The following ZNF711 variants were observed in gnomAD, a reference collection of about 807,000 sequenced individuals.
ZNF711 encodes ZFX family zinc finger ZNF711, also known as zinc finger protein 711.
A neutral mutation model predicts 43.5 loss-of-function variants in ZNF711; 3 were observed. The ratio of observed to expected loss-of-function variants is 0.07; its 90% CI spans 0.03 to 0.18. ZNF711 has a LOEUF of 0.18. Among genes scored for constraint, ZNF711 ranks in the 10% least tolerant of loss-of-function variants. The pLI is 1.00. For missense variants in ZNF711, 412 were observed against 604.0 expected (o/e 0.68, Z 3.33); for synonymous variants, 209 against 207.7 (o/e 1.01, Z -0.06).
chrX:85,265,904 T>C (rs1931052327), intron 7 of ZNF711, among the ~76,000 whole-genome samples: 1 of 111,322 alleles, frequency 9.0e-6, no homozygotes, highest in African/African-American at 3.3e-5. Flanking sequence ...ATGCTGTTGA[T>C]GGTCTCCAAG....
Position 85,268,483 on chromosome X carries a change from A to G in ZNF711, c.1102+142A>G. On this transcript the variant is annotated intron_variant, in intron 9 of 10. Coordinates refer to ENST00000674551, the MANE Select transcript of ZNF711 (RefSeq NM_001330574.2). ...GTCATACCTAATCTAGTTAGTTAGG[A>G]GTTTCTTCTTTGAGGAATTAATTTA... 1.1e-5 allele frequency: 7 copies of G among 660,958 alleles called. No homozygotes were observed. In the South Asian group the frequency reaches 2.0e-4, roughly 19 times the overall value. The allele number at this position is 660,958 out of a possible 1,213,427, so 54.5% of individuals were successfully genotyped here.
At chrX:85,266,369 A>T (rs927191837) in intron 7 of ZNF711, among the ~76,000 whole-genome samples, 1 of 111,460 alleles carries the variant, frequency 9.0e-6, no homozygotes, top group African/African-American at 3.3e-5. Flanking sequence ...TGGTAAGGAA[A>T]GGGGCACAGT....
intron 7 of ZNF711, among the ~76,000 whole-genome samples, chrX:85,265,693 T>C: frequency 9.0e-6 from 1 of 110,991 alleles, no homozygotes; most frequent in Non-Finnish European, 1.9e-5. Context: ...TTATCCAAGA[T>C]CATTCCAATA....
intron 5 of ZNF711, among the ~76,000 whole-genome samples, chrX:85,256,843 T>C (rs1283182400): frequency 8.9e-6 from 1 of 111,791 alleles, no homozygotes; most frequent in Non-Finnish European, 1.9e-5. Flanking sequence ...CAAATATTGT[T>C]ACCTATTTTT....
chrX:85,263,739 A>G (rs764677335), intron 5 of ZNF711, among the ~76,000 whole-genome samples: 1 of 110,767 alleles, frequency 9.0e-6, no homozygotes, highest in African/African-American at 3.3e-5. Flanking sequence ...TGAAAGTGAT[A>G]GAATTTGAAG....
intron 1 of ZNF711, among the ~76,000 whole-genome samples, chrX:85,245,054 A>G (rs747061623): frequency 2.1e-4 from 23 of 112,116 alleles, no homozygotes; most frequent in Admixed American, 4.7e-4. Flanking sequence ...GGTCGTGGGA[A>G]AAGGAGACTT....
At chrX:85,253,474 A>G (rs1405624637) in intron 4 of ZNF711, among the ~76,000 whole-genome samples, 1 of 111,249 alleles carries the variant, frequency 9.0e-6, no homozygotes, top group East Asian at 2.8e-4. Flanking sequence ...GCAATAGAGC[A>G]AAGGAGTACA....
Position 85,265,338 on chromosome X carries a change from A to G in ZNF711, c.916+83A>G, listed in dbSNP as rs1281629856. ...AAAATCTCAGAGATACAAGCACTGT[A>G]TAGGAACAAAGTTCAATAAAATAAG... On this transcript the variant is annotated intron_variant, in intron 7 of 10. Coordinates refer to ENST00000674551, the MANE Select transcript of ZNF711 (RefSeq NM_001330574.2). The G allele has an allele frequency of 6.8e-6, 7 of 1,034,488 alleles. No individual in the cohort carries two copies. The Admixed American group carries it at 1.3e-4, about 20-fold the overall frequency. The allele number at this position is 1,034,488 out of a possible 1,213,427, so 85.3% of individuals were successfully genotyped here. A position where few individuals can be genotyped will look rare whatever the true frequency, so the allele number is the denominator to read the frequency against.
chrX:85,248,496 A>C (rs1047341951), intron 4 of ZNF711, among the ~76,000 whole-genome samples: 1 of 107,236 alleles, frequency 9.3e-6, no homozygotes, highest in East Asian at 2.9e-4. Context: ...AAAAAAAAAA[A>C]AGACTCCTTA....
rs888121285 is a variant in ZNF711 at position 85,265,327 on chromosome X, A to G, written c.916+72A>G. ...ATTATTTTTAAAAAATCTCAGAGAT[A>G]CAAGCACTGTATAGGAACAAAGTTC... is the stretch of plus-strand genomic sequence containing the variant. On this transcript the variant is annotated intron_variant, in intron 7 of 10. Transcript: ENST00000674551. 4.6e-6 allele frequency: 5 copies of G among 1,080,454 alleles called. No homozygotes were observed. In the South Asian group the frequency reaches 5.6e-5, roughly 12 times the overall value. 89.0% of individuals were successfully genotyped at this position (1,080,454 alleles called of 1,213,427 possible).
chrX:85,264,405 G>A lies in ZNF711; in HGVS notation c.753G>A (p.Ala251=), dbSNP rs146666191. ...TTATAAAAGTGTATATATTTAAAGC[G>A]GAGGCTGAAGATGATGTTGAAATAG... The part of the protein sequence containing the change: ...SEVIKVYIFK[A]EAEDDVEIGG... Residue 251 remains alanine (A), a synonymous_variant, in exon 6 of 11, where the codon GCG becomes GCA. Coordinates refer to ENST00000674551, the MANE Select transcript of ZNF711 (RefSeq NM_001330574.2). 5 of 1,203,110 alleles carry A rather than the reference G, an allele frequency of 4.2e-6. No homozygotes were observed. The highest frequency in any genetic ancestry group is 1.8e-5 in the African/African-American group (1 of 56,911).
At chrX:85,270,263 G>A (rs1931466648) in intron 10 of ZNF711, 117 bp downstream of exon 10, 2 of 687,698 alleles carry the variant, frequency 2.9e-6, no homozygotes, top group Admixed American at 3.8e-5. Context: ...ACCTGTTTGT[G>A]TATGCTATAG....
chrX:85,266,070 A>G (rs1931071176), intron 7 of ZNF711, among the ~76,000 whole-genome samples: 1 of 111,224 alleles, frequency 9.0e-6, no homozygotes, highest in African/African-American at 3.3e-5. Context: ...CCCTTTCCTA[A>G]GGCTATTCCT....
At chrX:85,263,014 G>A (rs1930791178) in intron 5 of ZNF711, among the ~76,000 whole-genome samples, 1 of 109,907 alleles carries the variant, frequency 9.1e-6, no homozygotes, top group African/African-American at 3.3e-5. Context: ...GATGTATGTA[G>A]GGGCTTCAAA....
chrX:85,258,592 A>G (rs1218523225), intron 5 of ZNF711, among the ~76,000 whole-genome samples: 2 of 110,347 alleles, frequency 1.8e-5, no homozygotes, highest in African/African-American at 6.6e-5. Context: ...AATAATAATG[A>G]TAATGGTCAT....
At chrX:85,265,028 T>C in intron 6 of ZNF711, 90 bp from the exon 7 acceptor site, 6 of 837,756 alleles carry the variant, frequency 7.2e-6, no homozygotes, top group Non-Finnish European at 1.0e-5. Flanking sequence ...TTATTTTTTT[T>C]CTAAGAAATA....
chrX:85,257,316 CA>C (rs771907701), intron 5 of ZNF711, among the ~76,000 whole-genome samples: 1 of 110,845 alleles, frequency 9.0e-6, no homozygotes, highest in East Asian at 2.9e-4. Context: ...GTCCTCGCCC[CA>C]CTCCCTCCCT....
chrX:85,244,169 G>GGCAGCTGTAGCTGCA lies in ZNF711; in HGVS notation c.-422_-408dup, dbSNP rs1928781515. The GGCAGCTGTAGCTGCA allele has an allele frequency of 6.8e-6, 1 of 146,266 alleles. No homozygotes were observed. The highest frequency in any genetic ancestry group is 1.3e-5 in the Non-Finnish European group (1 of 79,173). The allele number at this position is 146,266 out of a possible 1,213,427, so 12.1% of individuals were successfully genotyped here. On this transcript the variant is annotated 5_prime_UTR_variant, in exon 1 of 11. Coordinates refer to ENST00000674551, the MANE Select transcript of ZNF711 (RefSeq NM_001330574.2). ...CGGCAGCGGCGGCGGCAGCGGCGGCGGCAGCTGTAGCTGCAGCAGCAGGTA... is the reference window on the plus strand; with the variant it reads ...CGGCAGCGGCGGCGGCAGCGGCGGCGGCAGCTGTAGCTGCAGCAGCTGTAGCTGCAGCAGCAGGTA...
rs150525735 is a variant in ZNF711, at chrX:85,263,638, G to C, written c.623-637G>C. Among the ~76,000 whole-genome samples, 740 of 109,301 alleles carry C rather than the reference G, an allele frequency of 6.8e-3. 6 individuals carry two copies. Among genetic ancestry groups the C allele is most frequent in the Non-Finnish European group, 0.011 (559 of 52,074 alleles). The allele number at this position is 109,301 out of a possible 115,157, so 94.9% of individuals were successfully genotyped here. On this transcript the variant is annotated intron_variant, in intron 5 of 10. Coordinates refer to ENST00000674551, the MANE Select transcript of ZNF711 (RefSeq NM_001330574.2). ...ACCACTATTTAATTTGGGAACTGTA[G>C]TTTATGTGAACTCATTTTATGAGTA...
Sources: allele counts gnomAD v4.1 joint callset (sites outside exome capture counted in the v4.1 genomes callset), GRCh38; gene constraint gnomAD v4.1.1; transcripts MANE v1.5; gene names NCBI Gene and HGNC (gene_info 2026-07-23, HGNC 2026-07-21).